CCDC15: variants seen among roughly 807,000 people sequenced by gnomAD.
The protein encoded by CCDC15 is coiled-coil domain-containing protein 15.
CCDC15 carries 105 observed loss-of-function variants against 114.5 expected under a neutral mutation model. The observed-to-expected ratio is 0.92, with a 90% CI of 0.78 to 1.08. The LOEUF (loss-of-function observed/expected upper bound fraction) is 1.08. Among genes scored for constraint, CCDC15 ranks in the 50% least tolerant of loss-of-function variants. The pLI is 0.00. For synonymous variants in CCDC15, 334 were observed against 377.8 expected (o/e 0.88, Z 1.34); for missense variants, 1,105 against 1,093.6 (o/e 1.01, Z -0.15).
chr11:124,999,819 C>T (rs1948443030), intron 11 of CCDC15, among the ~76,000 whole-genome samples: 3 of 118,032 alleles, frequency 2.5e-5, no homozygotes, highest in African/African-American at 3.3e-5. Context: ...TTCCTGCTTT[C>T]TTCTATGTCA....
At chr11:124,994,559 G>C (rs1948330812) in intron 11 of CCDC15, among the ~76,000 whole-genome samples, 2 of 152,066 alleles carry the variant, frequency 1.3e-5, no homozygotes, top group Admixed American at 6.5e-5. Flanking sequence ...TGTGAGAGGG[G>C]AAGAAATGAG....
chr11:124,996,407 T>C (rs1948369938), intron 11 of CCDC15, among the ~76,000 whole-genome samples: 1 of 152,204 alleles, frequency 6.6e-6, no homozygotes, highest in South Asian at 2.1e-4. Context: ...AGAGGAAAAG[T>C]TTTCTCTTCA....
rs757926796 is a variant in CCDC15 at position 124,975,153 on chromosome 11, A to T, written c.574A>T (p.Lys192Ter). The change falls in exon 5 of 16, where the codon AAA becomes TAA. Residue 192 changes from lysine (K) to a stop codon, truncating the protein, a stop_gained. Coordinates refer to ENST00000344762, the MANE Select transcript of CCDC15 (RefSeq NM_025004.3). LOFTEE classifies it high-confidence loss of function. The part of the protein sequence containing the change: ...HRLASFKTVI[K>*]KKGSVFPDDG... The stretch of plus-strand genomic sequence containing the variant: ...GCTAGCATCCTTTAAAACCGTGATT[A>T]AAAAAAAGGGATCAGTGTTTCCAGA... 49 of 1,587,192 alleles carry T rather than the reference A, an allele frequency of 3.1e-5. No individual in the cohort carries two copies. Among genetic ancestry groups the T allele is most frequent in the African/African-American group, 3.0e-4 (22 of 73,550 alleles).
chr11:124,991,367 A>C, intron 8 of CCDC15, 94 bp from the exon 9 acceptor site: 2 of 789,356 alleles, frequency 2.5e-6, no homozygotes, highest in Admixed American at 3.1e-5. Flanking sequence ...CCTGAAAAAA[A>C]CTACCCTTTG....
In CCDC15 at chr11:124,979,847, G is replaced by GT. The variant is rs201245216; in HGVS notation, c.753+2251dup. Among the ~76,000 whole-genome samples, 846 of 152,214 alleles carry GT rather than the reference G, an allele frequency of 5.6e-3. 9 individuals carry two copies. Among genetic ancestry groups the GT allele is most frequent in the African/African-American group, 0.02 (813 of 41,522 alleles). The stretch of plus-strand genomic sequence containing the variant: ...GAGAGGACATCTTTGTCTTGTTCTG[G>GT]TTTTCAAGGGGAATGCTTCCAGTTT... On this transcript the variant is annotated intron_variant, in intron 6 of 15. Transcript: ENST00000344762.
chr11:125,032,726 G>C (rs1433073816), intron 13 of CCDC15, among the ~76,000 whole-genome samples: 4 of 152,184 alleles, frequency 2.6e-5, no homozygotes, highest in Non-Finnish European at 4.4e-5. Flanking sequence ...TCTGCCTGCT[G>C]CTGAGTATGT....
chr11:125,005,051 C>T, intron 12 of CCDC15, 58 bp from the exon 13 acceptor site: 1 of 732,502 alleles, frequency 1.4e-6, no homozygotes. Context: ...GAATATTTTT[C>T]TTCCTTGGAA....
chr11:124,973,766 A>C (rs1206849867), intron 4 of CCDC15, among the ~76,000 whole-genome samples: 2 of 151,798 alleles, frequency 1.3e-5, no homozygotes, highest in Non-Finnish European at 2.9e-5. Context: ...TGAGTAACAG[A>C]CTACAGGCGT....
intron 2 of CCDC15, among the ~76,000 whole-genome samples, chr11:124,955,547 G>A (rs57907683): frequency 0.2 from 30,843 of 152,018 alleles, 3,724 homozygotes; most frequent in African/African-American, 0.34. Flanking sequence ...CTCCTTGAGC[G>A]TAGAGAACAA....
intron 8 of CCDC15, 66 bp from the exon 9 acceptor site, chr11:124,991,395 G>T: frequency 8.9e-7 from 1 of 1,119,048 alleles, no homozygotes; most frequent in Non-Finnish European, 1.2e-6. Flanking sequence ...ATGAAGCCTA[G>T]AATATTATTG....
chr11:125,017,010 AT>A (rs1948633303), intron 13 of CCDC15, among the ~76,000 whole-genome samples: 1 of 152,180 alleles, frequency 6.6e-6, no homozygotes, highest in South Asian at 2.1e-4. Flanking sequence ...TTAAAAATTA[AT>A]TTTGCCTTTT....
At chr11:124,986,176 G>A (rs979715574) in intron 6 of CCDC15, among the ~76,000 whole-genome samples, 1 of 152,060 alleles carries the variant, frequency 6.6e-6, no homozygotes, top group African/African-American at 2.4e-5. Flanking sequence ...TAAATGTGAG[G>A]GTTTATTTCT....
At chr11:124,968,967 C>T (rs1197679605) in intron 4 of CCDC15, among the ~76,000 whole-genome samples, 1 of 152,118 alleles carries the variant, frequency 6.6e-6, no homozygotes, top group Admixed American at 6.6e-5. Context: ...CTCCCTATAA[C>T]TTTTATCCAT....
At chr11:125,011,776 T>TA (rs36028883) in intron 13 of CCDC15, among the ~76,000 whole-genome samples, 30,794 of 152,006 alleles carry the variant, frequency 0.2, 3,715 homozygotes, top group African/African-American at 0.33. Flanking sequence ...TAAGCTGAGC[T>TA]AAAAAACTGT....
chr11:125,032,536 G>A (rs553082137), intron 13 of CCDC15, among the ~76,000 whole-genome samples: 1 of 152,310 alleles, frequency 6.6e-6, no homozygotes, highest in South Asian at 2.1e-4. Flanking sequence ...AGGATGTGGT[G>A]GGAATCACCA....
In CCDC15 at chr11:124,991,507, G is replaced by T; in HGVS notation, c.1955G>T (p.Gly652Val). The T allele has an allele frequency of 6.2e-7, 1 of 1,603,966 alleles. No homozygotes were observed. The change falls in exon 9 of 16, where the codon GGG becomes GTG. Residue 652 changes from glycine (G) to valine (V), a missense_variant. Physicochemically the swap from Gly to Val is moderately radical, Grantham distance 109 (BLOSUM62 -3). Coordinates refer to ENST00000344762, the MANE Select transcript of CCDC15 (RefSeq NM_025004.3). ...EPYSDMTDEK[G>V]REDFSLADYQ... Reference sequence around the variant, plus strand: ...TACTCTGATATGACAGATGAGAAAGGGAGAGAAGACTTTTCTCTGGCAGAC... The same window carrying T: ...TACTCTGATATGACAGATGAGAAAGTGAGAGAAGACTTTTCTCTGGCAGAC...
At chr11:124,961,826 G>A (rs182309473) in intron 4 of CCDC15, among the ~76,000 whole-genome samples, 10 of 151,990 alleles carry the variant, frequency 6.6e-5, no homozygotes, top group East Asian at 5.8e-4. Flanking sequence ...ACACCTGGCC[G>A]AGATAATTTT....
At chr11:125,027,334 G>T (rs530769287) in intron 13 of CCDC15, among the ~76,000 whole-genome samples, 2 of 152,266 alleles carry the variant, frequency 1.3e-5, no homozygotes, top group South Asian at 2.1e-4. Context: ...CATAGTGGTT[G>T]CACTAGTTTA....
chr11:124,960,898 A>G (rs951693658), intron 4 of CCDC15, among the ~76,000 whole-genome samples: 25 of 152,310 alleles, frequency 1.6e-4, no homozygotes, highest in African/African-American at 6.0e-4. Context: ...AATATGGAAA[A>G]TTATGAGTAT....
Sources: allele counts gnomAD v4.1 joint callset (sites outside exome capture counted in the v4.1 genomes callset), GRCh38; gene constraint gnomAD v4.1.1; transcripts MANE v1.5; gene names NCBI Gene and HGNC (gene_info 2026-07-23, HGNC 2026-07-21).